C1QTNF3: variants seen among roughly 807,000 people sequenced by gnomAD.
C1QTNF3 encodes the protein complement C1q tumor necrosis factor-related protein 3.
Under a neutral mutation model 32.6 loss-of-function variants are expected in C1QTNF3, and 26 were observed. That is an observed-to-expected ratio of 0.80 (90% CI 0.58 to 1.11). The LOEUF is 1.11. Ranked by LOEUF, C1QTNF3 falls within the 50% of genes least tolerant of loss-of-function variation. The pLI is 0.00. For synonymous variants in C1QTNF3, 155 were observed against 146.0 expected, an observed-to-expected ratio of 1.06 and a Z score of -0.44; for missense variants, 362 against 398.2, an observed-to-expected ratio of 0.91 and a Z score of 0.77.
chr5:34,092,814 T>C, the C1QTNF3 span, among the ~76,000 whole-genome samples: 3 of 152,098 alleles, frequency 2.0e-5, no homozygotes, highest in Admixed American at 2.0e-4. Context: ...TGTCACACTT[T>C]TCTCTCTTGA....
rs1051573344 is a variant in C1QTNF3, at chr5:34,019,090, T to C, written c.*1493A>G. 2.0e-5 allele frequency among the ~76,000 whole-genome samples: 3 copies of C among 151,492 alleles called. No individual in the cohort carries two copies. The highest frequency in any genetic ancestry group is 6.6e-5 in the Admixed American group (1 of 15,208). On this transcript the variant is annotated 3_prime_UTR_variant, in exon 6 of 6. Transcript: ENST00000382065. ...CTGCGGTGAGCTGAGATCATGCCAC[T>C]GCACTCCAGCCTGGGCAGCAGCGTG...
the C1QTNF3 span, among the ~76,000 whole-genome samples, chr5:34,054,144 G>C: frequency 6.6e-6 from 1 of 152,188 alleles, no homozygotes; most frequent in African/African-American, 2.4e-5. Context: ...CAGGCCCCCA[G>C]ATGGGGAGTT....
the C1QTNF3 span, among the ~76,000 whole-genome samples, chr5:34,234,266 G>A: frequency 9.2e-5 from 14 of 152,194 alleles, no homozygotes; most frequent in African/African-American, 2.4e-4. Flanking sequence ...TCAGTTTACC[G>A]TTAAGTAATT....
At chr5:34,139,655 A>G in the C1QTNF3 span, among the ~76,000 whole-genome samples, 1 of 152,068 alleles carries the variant, frequency 6.6e-6, no homozygotes, top group African/African-American at 2.4e-5. Context: ...ACATCGCTTC[A>G]GAAATAAAAT....
intron 1 of C1QTNF3, among the ~76,000 whole-genome samples, chr5:34,042,519 CAAG>C (rs1754894001): frequency 6.6e-6 from 1 of 152,178 alleles, no homozygotes; most frequent in Non-Finnish European, 1.5e-5. Context: ...ACCAACAGAG[CAAG>C]AAGGAAATCA....
the C1QTNF3 span, among the ~76,000 whole-genome samples, chr5:34,085,168 T>C: frequency 6.8e-6 from 1 of 147,482 alleles, no homozygotes; most frequent in Non-Finnish European, 1.5e-5. Flanking sequence ...TTTTTTGTGT[T>C]TTTTTTTTTG....
At chr5:34,225,596 C>G in the C1QTNF3 span, among the ~76,000 whole-genome samples, 1 of 151,896 alleles carries the variant, frequency 6.6e-6, no homozygotes, top group Non-Finnish European at 1.5e-5. Flanking sequence ...CCCTCTGTAC[C>G]TCTGAGTGCC....
chr5:34,099,454 A>C, the C1QTNF3 span, among the ~76,000 whole-genome samples: 1 of 152,190 alleles, frequency 6.6e-6, no homozygotes, highest in Non-Finnish European at 1.5e-5. Flanking sequence ...TACCATATGA[A>C]AAACAGTGTG....
At chr5:34,141,395 G>A in the C1QTNF3 span, among the ~76,000 whole-genome samples, 1 of 152,172 alleles carries the variant, frequency 6.6e-6, no homozygotes, top group East Asian at 1.9e-4. Context: ...CAGGATTACA[G>A]GAGTGAGCCA....
At chr5:34,046,325 T>C (rs192675210), upstream of C1QTNF3, among the ~76,000 whole-genome samples, 62 of 152,338 alleles carry the variant, frequency 4.1e-4, no homozygotes, top group African/African-American at 1.5e-3. Context: ...TAAAACTGTA[T>C]TGTGCCTCAG....
the C1QTNF3 span, among the ~76,000 whole-genome samples, chr5:34,122,476 T>C: frequency 2.0e-5 from 3 of 152,228 alleles, no homozygotes; most frequent in Admixed American, 6.5e-5. Context: ...TTCAGGAAAG[T>C]AGAAATTGTA....
the C1QTNF3 span, among the ~76,000 whole-genome samples, chr5:34,084,143 C>G: frequency 1.3e-5 from 2 of 151,644 alleles, no homozygotes; most frequent in South Asian, 4.1e-4. Context: ...ACTTTATATT[C>G]TAGGCATCTG....
At chr5:34,023,835 T>C (rs1579597706) in intron 5 of C1QTNF3, 74 bp downstream of exon 5, 1 of 1,219,666 alleles carries the variant, frequency 8.2e-7, no homozygotes, top group Non-Finnish European at 1.2e-6. Flanking sequence ...TCCTATACGC[T>C]TCCCTGTCAT....
the C1QTNF3 span, among the ~76,000 whole-genome samples, chr5:34,058,518 T>C: frequency 6.6e-6 from 1 of 152,132 alleles, no homozygotes; most frequent in Admixed American, 6.5e-5. Flanking sequence ...CCCAGAGAAA[T>C]GTCATTCTCC....
the C1QTNF3 span, among the ~76,000 whole-genome samples, chr5:34,117,348 G>C: frequency 1.3e-5 from 2 of 152,038 alleles, no homozygotes; most frequent in African/African-American, 4.8e-5. Flanking sequence ...ACTGACTTAG[G>C]TCCAGTGTAA....
the C1QTNF3 span, among the ~76,000 whole-genome samples, chr5:34,056,299 T>C: frequency 2.0e-5 from 3 of 151,786 alleles, no homozygotes; most frequent in African/African-American, 7.3e-5. Context: ...TACAGCACTT[T>C]TGTCTTTTTT....
the C1QTNF3 span, among the ~76,000 whole-genome samples, chr5:34,174,144 G>A: frequency 2.0e-5 from 3 of 152,164 alleles, no homozygotes; most frequent in Admixed American, 1.3e-4. Context: ...TGCAGCCTCC[G>A]CCTCCGAGGT....
chr5:34,114,035 AT>A, the C1QTNF3 span, among the ~76,000 whole-genome samples: 1 of 151,958 alleles, frequency 6.6e-6, no homozygotes, highest in African/African-American at 2.4e-5. Context: ...AATCTCACAC[AT>A]TTTTTTTCTG....
the C1QTNF3 span, among the ~76,000 whole-genome samples, chr5:34,136,804 G>A: frequency 6.6e-6 from 1 of 152,226 alleles, no homozygotes; most frequent in South Asian, 2.1e-4. Flanking sequence ...AGACACCATG[G>A]AATACTATGC....
Sources: gnomAD v4.1 joint callset for allele counts (sites outside exome capture counted in the v4.1 genomes callset) on GRCh38, gnomAD v4.1.1 for gene constraint, MANE v1.5 for transcripts, NCBI Gene and HGNC (gene_info 2026-07-23, HGNC 2026-07-21) for gene names.